ZBTB11: variants seen among roughly 807,000 people sequenced by gnomAD.
ZBTB11 encodes zinc finger and BTB domain containing 11.
ZBTB11 carries 68 observed loss-of-function variants against 113.1 expected under a neutral mutation model. The ratio of observed to expected loss-of-function variants is 0.60; its 90% CI spans 0.49 to 0.74. ZBTB11 has a LOEUF of 0.74. Among genes scored for constraint, ZBTB11 ranks in the 30% least tolerant of loss-of-function variants. The pLI is 0.00. For synonymous variants in ZBTB11, 518 were observed against 452.6 expected, an observed-to-expected ratio of 1.14 and a Z score of -1.83; for missense variants, 1,104 against 1,279.4, an observed-to-expected ratio of 0.86 and a Z score of 2.09.
chr3:101,674,023 TCA>T (rs1216057868), intron 1 of ZBTB11, among the ~76,000 whole-genome samples: 1 of 142,772 alleles, frequency 7.0e-6, no homozygotes, highest in East Asian at 2.1e-4. Flanking sequence ...ATTTATGGAT[TCA>T]CAGAGACTGT....
intron 5 of ZBTB11, among the ~76,000 whole-genome samples, chr3:101,663,637 T>A (rs1391101770): frequency 6.6e-6 from 1 of 152,128 alleles, no homozygotes; most frequent in African/African-American, 2.4e-5. Context: ...ACACCTGGTA[T>A]CCCATACCTT....
chr3:101,650,273 G>C lies in ZBTB11; in HGVS notation c.*893C>G, dbSNP rs1418636585. 6.6e-6 allele frequency: 1 copy of C among 152,156 alleles called. No homozygotes were observed. Among genetic ancestry groups the C allele is most frequent in the South Asian group, 2.1e-4 (1 of 4,834 alleles). 9.4% of individuals were successfully genotyped at this position (152,156 alleles called of 1,614,324 possible). ...TTAAACAATTAAACATGATACAAAA[G>C]CTGAAAACATACCAAATCTAGTTTG... is the stretch of plus-strand genomic sequence containing the variant. On this transcript the variant is annotated 3_prime_UTR_variant, in exon 11 of 11. Coordinates refer to ENST00000312938, the MANE Select transcript of ZBTB11 (RefSeq NM_014415.4).
At chr3:101,672,578 T>C (rs1336636255) in intron 1 of ZBTB11, among the ~76,000 whole-genome samples, 2 of 152,228 alleles carry the variant, frequency 1.3e-5, no homozygotes, top group Non-Finnish European at 2.9e-5. Flanking sequence ...ATTTAGGGCA[T>C]GATGGCGCAC....
At chr3:101,659,350 CA>C (rs1173201719) in intron 6 of ZBTB11, among the ~76,000 whole-genome samples, 6 of 152,180 alleles carry the variant, frequency 3.9e-5, no homozygotes, top group Non-Finnish European at 5.9e-5. Flanking sequence ...TCACAGGATT[CA>C]CTACCCTTGA....
rs980936998 is a variant in ZBTB11, at chr3:101,649,335, T to C, written c.*1831A>G. The C allele has an allele frequency of 2.0e-5, 3 of 152,264 alleles. No homozygotes were observed. The highest frequency in any genetic ancestry group is 4.4e-5 in the Non-Finnish European group (3 of 68,052). The allele number at this position is 152,264 out of a possible 1,614,324, so 9.4% of individuals were successfully genotyped here. A position where few individuals can be genotyped will look rare whatever the true frequency, so the allele number is the denominator to read the frequency against. On this transcript the variant is annotated 3_prime_UTR_variant, in exon 11 of 11. Coordinates refer to ENST00000312938, the MANE Select transcript of ZBTB11 (RefSeq NM_014415.4). ...TATTGTGTTCCTCCAATCGTTATTT[T>C]TTAGTGTTTTATTTCCTTTCCCTTT... is the stretch of plus-strand genomic sequence containing the variant.
chr3:101,654,354 G>C (rs976455679), intron 8 of ZBTB11, among the ~76,000 whole-genome samples: 11 of 151,980 alleles, frequency 7.2e-5, no homozygotes, highest in African/African-American at 2.7e-4. Context: ...TTAATTTTAC[G>C]TTATATGAAT....
chr3:101,652,949 G>A lies in ZBTB11; in HGVS notation c.2310-11C>T. ...AAACTTTTTTCACATCTGCAATAAA[G>A]TTCAGTTACCCAATTGGATAATCTT... On this transcript the variant is annotated splice_polypyrimidine_tract_variant and intron_variant, in intron 8 of 10. Coordinates refer to ENST00000312938, the MANE Select transcript of ZBTB11 (RefSeq NM_014415.4). The A allele has an allele frequency of 6.2e-7, 1 of 1,606,878 alleles. No individual in the cohort carries two copies. The highest frequency in any genetic ancestry group is 8.5e-7 in the Non-Finnish European group (1 of 1,177,198).
intron 1 of ZBTB11, 126 bp from the exon 2 acceptor site, chr3:101,672,339 T>G (rs1937097740): frequency 3.3e-6 from 2 of 607,526 alleles, no homozygotes; most frequent in Non-Finnish European, 2.8e-6. Flanking sequence ...ATAAAATATG[T>G]AGAGTTTATT....
rs370625030 is a variant in ZBTB11 at position 101,656,137 on chromosome 3, G to A, written c.2158C>T (p.Arg720Trp). ...ELCVKSFVTKRSLQEHMSIHT... is the reference protein window; with the variant it reads ...ELCVKSFVTKWSLQEHMSIHT... ...ATACTCATATGTTCTTGAAGACTCC[G>A]TTTGGTAACAAATGACTTAACACAC... The change falls in exon 7 of 11, where the codon CGG becomes TGG. Residue 720 changes from arginine to tryptophan, a missense_variant. Arg to Trp is a moderately radical substitution (Grantham distance 101, BLOSUM62 -3). Around this residue, in one of 5 missense-constraint regions of ZBTB11, gnomAD observed 535 missense variants for 518.6 expected, o/e 1.03. Coordinates refer to ENST00000312938, the MANE Select transcript of ZBTB11 (RefSeq NM_014415.4). The A allele has an allele frequency of 1.6e-5, 25 of 1,591,310 alleles. No homozygotes were observed. The highest frequency in any genetic ancestry group is 7.0e-5 in the East Asian group (3 of 43,098).
At chr3:101,660,439 C>T (rs1456932726) in intron 5 of ZBTB11, among the ~76,000 whole-genome samples, 1 of 152,094 alleles carries the variant, frequency 6.6e-6, no homozygotes, top group East Asian at 1.9e-4. Flanking sequence ...TTTAAAAAAT[C>T]TTTGATTTTT....
intron 3 of ZBTB11, among the ~76,000 whole-genome samples, chr3:101,666,612 T>G (rs1322045814): frequency 6.6e-6 from 1 of 152,248 alleles, no homozygotes; most frequent in Non-Finnish European, 1.5e-5. Context: ...AAAGCCATTG[T>G]TAATTCTTAA....
chr3:101,649,112 TG>T lies in ZBTB11; in HGVS notation c.*2053del, dbSNP rs1936653195. ...GCAACACTCTTCTGCTCATGGAGCC[TG>T]GGGTTTAGGGTTTATATGGATACAG... On this transcript the variant is annotated 3_prime_UTR_variant, in exon 11 of 11. Transcript: ENST00000312938. 6.6e-6 allele frequency: 1 copy of T among 152,194 alleles called. No homozygotes were observed. The highest frequency in any genetic ancestry group is 1.5e-5 in the Non-Finnish European group (1 of 68,074). The allele number at this position is 152,194 out of a possible 1,614,324, so 9.4% of individuals were successfully genotyped here.
intron 3 of ZBTB11, among the ~76,000 whole-genome samples, chr3:101,668,889 G>GC (rs1553779424): frequency 6.8e-6 from 1 of 146,120 alleles, no homozygotes; most frequent in African/African-American, 2.5e-5. Flanking sequence ...GGCAAATTTT[G>GC]TTTTTTTTTT....
rs572269273 is a variant in ZBTB11, at chr3:101,675,863, G to A, written c.310+742C>T. On this transcript the variant is annotated intron_variant, in intron 1 of 10. Transcript: ENST00000312938. ...AAATCCCAACACTTTGGGAGGCCGA[G>A]GCGGGAGGATGGCTTGAGGCCAGAT... 3.3e-5 allele frequency among the ~76,000 whole-genome samples: 5 copies of A among 152,314 alleles called. No individual in the cohort carries two copies. The East Asian group carries it at 9.6e-4, about 29-fold the overall frequency.
At chr3:101,660,255 G>C (rs989127271) in intron 5 of ZBTB11, among the ~76,000 whole-genome samples, 4 of 152,032 alleles carry the variant, frequency 2.6e-5, no homozygotes, top group Admixed American at 6.5e-5. Context: ...AACAAGGTTG[G>C]GCTTGAAATG....
At chr3:101,654,986 T>C (rs994070950) in intron 7 of ZBTB11, among the ~76,000 whole-genome samples, 165 bp from the exon 8 acceptor site, 2 of 152,166 alleles carry the variant, frequency 1.3e-5, no homozygotes, top group African/African-American at 4.8e-5. Context: ...CAAGTGATTC[T>C]CCTGCCTCAG....
At chr3:101,658,947 T>C (rs777589576) in intron 6 of ZBTB11, among the ~76,000 whole-genome samples, 3 of 152,188 alleles carry the variant, frequency 2.0e-5, no homozygotes, top group Non-Finnish European at 2.9e-5. Context: ...TTAATAAAAA[T>C]ACTAAGTCAG....
chr3:101,663,116 C>A (rs1388865196), intron 5 of ZBTB11, among the ~76,000 whole-genome samples: 6 of 151,946 alleles, frequency 3.9e-5, no homozygotes. Flanking sequence ...ATTTTTTGTA[C>A]TTTTAGTACA....
intron 5 of ZBTB11, 115 bp downstream of exon 5, chr3:101,664,423 T>C (rs1936944135): frequency 9.9e-7 from 1 of 1,006,162 alleles, no homozygotes; most frequent in East Asian, 2.7e-5. Context: ...AATAAGAAGA[T>C]GACTCTTATA....
Sources: gnomAD v4.1 joint callset for allele counts (sites outside exome capture counted in the v4.1 genomes callset) on GRCh38, gnomAD v4.1.1 for gene constraint, gnomAD v4.1.1 regional missense constraint, MANE v1.5 for transcripts, NCBI Gene and HGNC (gene_info 2026-07-23, HGNC 2026-07-21) for gene names.